PTGER4: variants seen among roughly 807,000 people sequenced by gnomAD.
PTGER4 encodes the protein prostaglandin E2 receptor EP4 subtype.
PTGER4 carries 11 observed loss-of-function variants against 33.2 expected under a neutral mutation model. The ratio of observed to expected loss-of-function variants is 0.33; its 90% CI spans 0.21 to 0.55. The LOEUF is 0.55. PTGER4 is among the 20% of genes least tolerant of loss of function. PTGER4 has a pLI of 0.92. For missense variants in PTGER4, 481 were observed against 650.2 expected, an observed-to-expected ratio of 0.74 and a Z score of 2.83; for synonymous variants, 275 against 281.5, an observed-to-expected ratio of 0.98 and a Z score of 0.23.
At chr5:40,741,850 G>T in the PTGER4 span, among the ~76,000 whole-genome samples, 1 of 152,010 alleles carries the variant, frequency 6.6e-6, no homozygotes, top group African/African-American at 2.4e-5. Flanking sequence ...TTAGCCAGGC[G>T]TGGTGGCACA....
the PTGER4 span, chr5:40,716,083 C>G: frequency 5.7e-5 from 78 of 1,368,558 alleles, no homozygotes; most frequent in South Asian, 1.1e-3. Context: ...GTAAATGTCT[C>G]TATGTCAAAA....
chr5:40,737,087 G>A, the PTGER4 span, among the ~76,000 whole-genome samples: 1,449 of 152,226 alleles, frequency 9.5e-3, 26 homozygotes, highest in African/African-American at 0.033. Context: ...CCTGAGCCCA[G>A]GAGTTCAAGA....
chr5:40,691,791 G>A lies in PTGER4; in HGVS notation c.880G>A (p.Val294Ile), dbSNP rs111866313. The A allele has an allele frequency of 0.023, 37,036 of 1,613,004 alleles. 513 individuals carry two copies. Among genetic ancestry groups the A allele is most frequent in the Non-Finnish European group, 0.027 (31,786 of 1,179,488 alleles). Residue 294 changes from valine to isoleucine, a missense_variant, in exon 3 of 3, where the codon GTC (valine) becomes ATC (isoleucine). Physicochemically the swap from Val to Ile is conservative, Grantham distance 29. Around this residue, in one of 7 missense-constraint regions of PTGER4, gnomAD observed 174 missense variants for 210.5 expected, o/e 0.83. Coordinates refer to ENST00000302472, the MANE Select transcript of PTGER4 (RefSeq NM_000958.3). The surrounding 1 kb of genome is among the most constrained non-coding windows in gnomAD (Gnocchi z 4.2). The stretch of plus-strand genomic sequence containing the variant: ...CTCACTTATGCAGGTGCGAGTATTC[G>A]TCAACCAGTTATATCAGCCAAGTTT... ...CSIPLVVRVF[V>I]NQLYQPSLER...
chr5:40,685,017 T>G (rs565467249), intron 2 of PTGER4, among the ~76,000 whole-genome samples: 1 of 152,326 alleles, frequency 6.6e-6, no homozygotes, highest in Admixed American at 6.5e-5. Context: ...TTGCAGTTAC[T>G]AATGAATATT....
At chr5:40,724,006 G>C in the PTGER4 span, among the ~76,000 whole-genome samples, 1 of 152,176 alleles carries the variant, frequency 6.6e-6, no homozygotes, top group East Asian at 1.9e-4. Flanking sequence ...GAACTACCAT[G>C]TAATAAAGCT....
the PTGER4 span, chr5:40,716,353 G>A: frequency 1.2e-5 from 19 of 1,614,166 alleles, 1 homozygote; most frequent in South Asian, 1.6e-4. Flanking sequence ...TGAAAAGTGT[G>A]TTACTTCAGC....
the PTGER4 span, among the ~76,000 whole-genome samples, chr5:40,736,064 G>A: frequency 1.3e-5 from 2 of 152,204 alleles, no homozygotes; most frequent in African/African-American, 4.8e-5. Context: ...ATATAAAAAT[G>A]AGAGGACAAT....
the PTGER4 span, among the ~76,000 whole-genome samples, chr5:40,699,880 T>C: frequency 6.6e-6 from 1 of 152,276 alleles, no homozygotes; most frequent in East Asian, 1.9e-4. Context: ...TCACACTTCA[T>C]GGTGAAAGAC....
the PTGER4 span, among the ~76,000 whole-genome samples, chr5:40,702,131 A>C: frequency 1.3e-5 from 2 of 152,190 alleles, no homozygotes; most frequent in East Asian, 1.9e-4. Flanking sequence ...AGCCAATATA[A>C]TAACCAGCTC....
At chr5:40,689,635 C>T (rs1741419495) in intron 2 of PTGER4, among the ~76,000 whole-genome samples, 1 of 152,154 alleles carries the variant, frequency 6.6e-6, no homozygotes, top group African/African-American at 2.4e-5. Flanking sequence ...ACTAAACTGT[C>T]CCTGTTCCAG....
chr5:40,685,824 T>C (rs947978678), intron 2 of PTGER4, among the ~76,000 whole-genome samples: 6 of 152,220 alleles, frequency 3.9e-5, no homozygotes, highest in African/African-American at 9.6e-5. Context: ...CACCATGCTT[T>C]CTTGACCTGT....
chr5:40,730,169 G>T, the PTGER4 span: 2 of 912,288 alleles, frequency 2.2e-6, no homozygotes, highest in Non-Finnish European at 3.4e-6. Flanking sequence ...AAAAGAAAAT[G>T]GGAGAAAATG....
chr5:40,697,291 A>AAAGAAAG (rs1741634219), downstream of PTGER4, among the ~76,000 whole-genome samples: 1 of 145,516 alleles, frequency 6.9e-6, no homozygotes, highest in East Asian at 2.0e-4. Context: ...AGAAAGAAAG[A>AAAGAAAG]AAGAAAAAGA....
intron 2 of PTGER4, among the ~76,000 whole-genome samples, chr5:40,687,078 C>T (rs1175275222): frequency 6.6e-6 from 1 of 152,104 alleles, no homozygotes; most frequent in Non-Finnish European, 1.5e-5. Flanking sequence ...CGGAGTTTCA[C>T]TTTGTGGCCC....
At position 40,680,942 on chromosome 5, in the gene PTGER4, C is replaced by G; in HGVS notation, c.-43-9C>G. 5 of 1,551,160 alleles carry G rather than the reference C, an allele frequency of 3.2e-6. No homozygotes were observed. Among genetic ancestry groups the G allele is most frequent in the Non-Finnish European group, 4.4e-6 (5 of 1,149,422 alleles). ...CACGGCAGCTTTGTCTCTCTTCTAC[C>G]ATCCCCAGACCCAGCCTTGCACTCC... is the stretch of plus-strand genomic sequence containing the variant. On this transcript the variant is annotated splice_polypyrimidine_tract_variant and intron_variant, in intron 1 of 2. Coordinates refer to ENST00000302472, the MANE Select transcript of PTGER4 (RefSeq NM_000958.3). This position sits in a 1 kb window ranked among gnomAD's most constrained non-coding sequence, Gnocchi z 5.5.
the PTGER4 span, among the ~76,000 whole-genome samples, chr5:40,709,469 C>T: frequency 6.6e-6 from 1 of 152,186 alleles, no homozygotes; most frequent in East Asian, 1.9e-4. Flanking sequence ...AGGAATCTAA[C>T]TTACAAGGGA....
At chr5:40,725,848 C>T in the PTGER4 span, among the ~76,000 whole-genome samples, 6 of 147,358 alleles carry the variant, frequency 4.1e-5, no homozygotes, top group African/African-American at 7.6e-5. Context: ...TGCAGTGGCG[C>T]GATCTCAGCT....
chr5:40,707,833 C>T, the PTGER4 span, among the ~76,000 whole-genome samples: 1 of 152,214 alleles, frequency 6.6e-6, no homozygotes, highest in South Asian at 2.1e-4. Context: ...CAAACTGTCT[C>T]TCAGACCACA....
the PTGER4 span, among the ~76,000 whole-genome samples, chr5:40,734,848 A>G: frequency 1.3e-5 from 2 of 152,264 alleles, 1 homozygote; most frequent in Admixed American, 1.3e-4. Flanking sequence ...GGACAGGGAA[A>G]GAAAGATAAC....
Sources: allele counts gnomAD v4.1 joint callset (sites outside exome capture counted in the v4.1 genomes callset), GRCh38; gene constraint gnomAD v4.1.1; regional missense constraint gnomAD v4.1.1; non-coding constraint Gnocchi (gnomAD v3.1); transcripts MANE v1.5; gene names NCBI Gene and HGNC (gene_info 2026-07-23, HGNC 2026-07-21).